Variants in DSG2 observed in about 807,000 individuals in gnomAD.
The protein encoded by DSG2 is desmoglein 2.
DSG2 carries 45 observed loss-of-function variants against 75.6 expected under a neutral mutation model. The ratio of observed to expected loss-of-function variants is 0.60; its 90% CI spans 0.47 to 0.76. The LOEUF (loss-of-function observed/expected upper bound fraction) is 0.76. Ranked by LOEUF, DSG2 falls within the 30% of genes least tolerant of loss-of-function variation. The probability of loss-of-function intolerance (pLI) is 0.00; values close to 1 mark genes in which losing one functional copy is unlikely to be tolerated. For synonymous variants in DSG2, 429 were observed against 483.9 expected, an observed-to-expected ratio of 0.89 and a Z score of 1.49; for missense variants, 1,267 against 1,357.4, an observed-to-expected ratio of 0.93 and a Z score of 1.05.
At chr18:31,542,086 C>A in intron 13 of DSG2, 1 of 251,066 alleles carries the variant, frequency 4.0e-6, no homozygotes, top group Non-Finnish European at 7.8e-6. Flanking sequence ...TACACCATTT[C>A]TGCTTCATTC....
intron 4 of DSG2, 52 bp from the exon 5 acceptor site, chr18:31,521,047 G>A (rs150251421): frequency 8.6e-4 from 1,393 of 1,610,976 alleles, no homozygotes; most frequent in Non-Finnish European, 1.1e-3. Flanking sequence ...TCATAGTATG[G>A]TAATTTAGTT....
intron 1 of DSG2, among the ~76,000 whole-genome samples, chr18:31,499,996 G>T (rs1302808248): frequency 7.3e-6 from 1 of 136,150 alleles, no homozygotes; most frequent in Non-Finnish European, 1.5e-5. Flanking sequence ...GGGCAATGCA[G>T]CATTTTACCC....
At position 31,524,488 on chromosome 18, in the gene DSG2, G is replaced by A; in HGVS notation, c.731G>A (p.Gly244Asp). 6.2e-7 allele frequency: 1 copy of A among 1,614,126 alleles called. No individual in the cohort carries two copies. The highest frequency in any genetic ancestry group is 8.5e-7 in the Non-Finnish European group (1 of 1,180,016). The change falls in exon 7 of 15, where the codon GGC becomes GAC. Residue 244 changes from glycine (G) to aspartate (D), a missense_variant. Coordinates refer to ENST00000261590, the MANE Select transcript of DSG2 (RefSeq NM_001943.5). ...SYTLTVEARD[G>D]NGEVTDKPVK... Reference sequence around the variant, plus strand: ...ACTTTGACAGTAGAAGCAAGAGATGGCAATGGAGAAGTTACAGACAAACCT... The same window carrying A: ...ACTTTGACAGTAGAAGCAAGAGATGACAATGGAGAAGTTACAGACAAACCT...
intron 1 of DSG2, among the ~76,000 whole-genome samples, chr18:31,513,218 T>C (rs1393886802): frequency 6.6e-6 from 1 of 152,234 alleles, no homozygotes; most frequent in Non-Finnish European, 1.5e-5. Context: ...TGAACGATTC[T>C]GTAACTTAAA....
rs771104963 is a variant in DSG2, at chr18:31,546,596, G to T, written c.3210G>T (p.Thr1070=). 1.1e-5 allele frequency: 18 copies of T among 1,613,978 alleles called. No homozygotes were observed. Among genetic ancestry groups the T allele is most frequent in the Admixed American group, 1.7e-5 (1 of 59,996 alleles). The change falls in exon 15 of 15, where the codon ACG becomes ACT. Residue 1070 remains threonine (T), a synonymous_variant. Coordinates refer to ENST00000261590, the MANE Select transcript of DSG2 (RefSeq NM_001943.5). ...SYQIPTENSM[T]ARNTTVSGAG... ...AGATTCCCACTGAAAATTCTATGAC[G>T]GCTAGGAACACCACGGTGTCTGGAG...
chr18:31,518,144 C>T, intron 1 of DSG2, 95 bp from the exon 2 acceptor site: 2 of 1,013,304 alleles, frequency 2.0e-6, no homozygotes, highest in South Asian at 2.8e-5. Flanking sequence ...TTTTTTATGT[C>T]TATAATATTC....
rs376858770 is a variant in DSG2, at chr18:31,545,857, G to T, written c.2471G>T (p.Arg824Leu). The T allele has an allele frequency of 1.9e-6, 3 of 1,613,980 alleles. No homozygotes were observed. Among genetic ancestry groups the T allele is most frequent in the East Asian group, 2.2e-5 (1 of 44,890 alleles). The change falls in exon 15 of 15, where the codon CGC becomes CTC. Residue 824 changes from arginine (R) to leucine (L), a missense_variant. Coordinates refer to ENST00000261590, the MANE Select transcript of DSG2 (RefSeq NM_001943.5). ...CSFIEGELDD[R>L]FLDDLGLKFK... is the part of the protein sequence containing the mutation. ...TTTATTGAAGGAGAGCTAGATGACC[G>T]CTTCTTAGATGATTTGGGACTTAAA...
chr18:31,544,419 A>C (rs1246766187), intron 14 of DSG2, among the ~76,000 whole-genome samples: 1 of 152,188 alleles, frequency 6.6e-6, no homozygotes, highest in Non-Finnish European at 1.5e-5. Context: ...TTTGTGGGGT[A>C]CTACTAAAGT....
intron 11 of DSG2, among the ~76,000 whole-genome samples, chr18:31,538,390 G>A (rs995210558): frequency 6.7e-5 from 10 of 148,908 alleles, no homozygotes; most frequent in Admixed American, 2.0e-4. Context: ...TTGCCTTAAT[G>A]AAGTTTTTTT....
At chr18:31,540,677 G>T (rs1175204884) in intron 12 of DSG2, among the ~76,000 whole-genome samples, 1 of 152,176 alleles carries the variant, frequency 6.6e-6, no homozygotes, top group Admixed American at 6.5e-5. Flanking sequence ...GGGCATGCAG[G>T]TGTGTTTAAT....
chr18:31,542,219 A>C, intron 13 of DSG2: 2 of 440,554 alleles, frequency 4.5e-6, no homozygotes, highest in East Asian at 9.3e-5. Context: ...GTAACTATAG[A>C]AGAAGGTATC....
At chr18:31,512,389 C>T (rs1568102548) in intron 1 of DSG2, among the ~76,000 whole-genome samples, 1 of 152,232 alleles carries the variant, frequency 6.6e-6, no homozygotes, top group Non-Finnish European at 1.5e-5. Flanking sequence ...TTTCTTTCAT[C>T]TTTACTGCAA....
chr18:31,542,914 ATAT>A, intron 14 of DSG2, 62 bp downstream of exon 14: 1 of 1,076,776 alleles, frequency 9.3e-7, no homozygotes, highest in Non-Finnish European at 1.3e-6. Flanking sequence ...TGTGAATGTG[ATAT>A]TATTAGGGTA....
chr18:31,539,750 C>A (rs535609942), intron 12 of DSG2, among the ~76,000 whole-genome samples: 1 of 152,290 alleles, frequency 6.6e-6, no homozygotes, highest in South Asian at 2.1e-4. Flanking sequence ...GGCTACAGAC[C>A]AGCACCTGTC....
chr18:31,505,656 CT>C (rs558578470), intron 1 of DSG2, among the ~76,000 whole-genome samples: 13,939 of 135,950 alleles, frequency 0.1, 395 homozygotes, highest in African/African-American at 0.16. Context: ...ATTTTTTTTT[CT>C]TTTTTTTTTT....
chr18:31,518,004 G>A (rs1158707560), intron 1 of DSG2, among the ~76,000 whole-genome samples: 1 of 152,182 alleles, frequency 6.6e-6, no homozygotes, highest in African/African-American at 2.4e-5. Flanking sequence ...TGTTTTTTAA[G>A]ATACTGTTTT....
At chr18:31,501,158 A>C (rs950270615) in intron 1 of DSG2, among the ~76,000 whole-genome samples, 5 of 152,202 alleles carry the variant, frequency 3.3e-5, no homozygotes, top group African/African-American at 1.2e-4. Context: ...TAACTATTTC[A>C]ATATAATTGG....
At chr18:31,537,814 C>T (rs1261457603) in intron 11 of DSG2, among the ~76,000 whole-genome samples, 2 of 151,732 alleles carry the variant, frequency 1.3e-5, no homozygotes, top group Non-Finnish European at 2.9e-5. Flanking sequence ...ACCAGCCTGG[C>T]CAACATGGTG....
At chr18:31,514,990 A>G (rs1466236298) in intron 1 of DSG2, among the ~76,000 whole-genome samples, 3 of 152,204 alleles carry the variant, frequency 2.0e-5, no homozygotes, top group Non-Finnish European at 4.4e-5. Context: ...GGCCGGTAAG[A>G]TTGTAGGGAA....
Sources: allele counts gnomAD v4.1 joint callset (sites outside exome capture counted in the v4.1 genomes callset), GRCh38; gene constraint gnomAD v4.1.1; transcripts MANE v1.5; gene names NCBI Gene and HGNC (gene_info 2026-07-23, HGNC 2026-07-21).